The following EIF2AK2 variants were observed in gnomAD, a reference collection of about 807,000 sequenced individuals.
EIF2AK2 encodes the protein eukaryotic translation initiation factor 2 alpha kinase 2, also known as interferon-induced, double-stranded RNA-activated protein kinase.
In EIF2AK2, 40 loss-of-function variants were observed where a neutral mutation model predicts 70.5. The ratio of observed to expected loss-of-function variants is 0.57; its 90% CI spans 0.44 to 0.74. EIF2AK2 has a LOEUF of 0.74. EIF2AK2 is among the 30% of genes least tolerant of loss of function. The pLI is 0.00. For synonymous variants in EIF2AK2, 198 were observed against 220.9 expected (o/e 0.90, Z 0.92); for missense variants, 555 against 644.3 (o/e 0.86, Z 1.50).
intron 4 of EIF2AK2, 143 bp from the exon 5 acceptor site, chr2:37,141,844 G>A (rs1675343705): frequency 1.2e-6 from 1 of 864,634 alleles, no homozygotes. Context: ...ATTACCTTGA[G>A]CAAAAGTGTG....
At chr2:37,149,211 G>A in intron 1 of EIF2AK2, 188 bp from the exon 2 acceptor site, 4 of 1,118,004 alleles carry the variant, frequency 3.6e-6, no homozygotes, top group Non-Finnish European at 5.5e-6. Context: ...TCTACCAAGT[G>A]TGGAGCTGAA....
chr2:37,147,071 G>C (rs902776549), intron 3 of EIF2AK2, 98 bp from the exon 4 acceptor site: 1 of 1,196,256 alleles, frequency 8.4e-7, no homozygotes, highest in Non-Finnish European at 1.1e-6. Flanking sequence ...CTACCTTTGA[G>C]GGTTTGAACC....
chr2:37,136,911 G>T, intron 9 of EIF2AK2, 72 bp downstream of exon 9: 1 of 1,406,902 alleles, frequency 7.1e-7, no homozygotes, highest in Non-Finnish European at 9.7e-7. Context: ...TACTCTACAA[G>T]TATTAAGAAC....
intron 1 of EIF2AK2, among the ~76,000 whole-genome samples, 186 bp downstream of exon 1, chr2:37,156,722 T>G (rs980766082): frequency 5.9e-5 from 9 of 152,292 alleles, no homozygotes; most frequent in African/African-American, 2.2e-4. Flanking sequence ...ACACCCGGGC[T>G]GCGGACCTGG....
At chr2:37,117,880 C>G (rs188389580) in intron 13 of EIF2AK2, among the ~76,000 whole-genome samples, 38 of 152,308 alleles carry the variant, frequency 2.5e-4, no homozygotes, top group African/African-American at 8.7e-4. Flanking sequence ...CTGGCAAAAC[C>G]ACCTACAGCT....
At chr2:37,134,657 C>T (rs1230508917) in intron 10 of EIF2AK2, among the ~76,000 whole-genome samples, 1 of 152,168 alleles carries the variant, frequency 6.6e-6, no homozygotes, top group African/African-American at 2.4e-5. Flanking sequence ...TGACCTCCTC[C>T]TTGACCACCT....
chr2:37,150,826 A>G (rs1573043189), intron 1 of EIF2AK2, among the ~76,000 whole-genome samples: 1 of 152,322 alleles, frequency 6.6e-6, no homozygotes, highest in South Asian at 2.1e-4. Context: ...AATCCCAAAA[A>G]TCTCCCCTCT....
chr2:37,114,301 A>G (rs1674260173), intron 14 of EIF2AK2, among the ~76,000 whole-genome samples: 1 of 152,088 alleles, frequency 6.6e-6, no homozygotes, highest in Non-Finnish European at 1.5e-5. Flanking sequence ...CCCTGTCTCT[A>G]AAACAAAATA....
chr2:37,126,967 GAAAAAAAAAAAAAAAAAAA>G (rs57802509), intron 10 of EIF2AK2, among the ~76,000 whole-genome samples: 11 of 52,156 alleles, frequency 2.1e-4, no homozygotes, highest in East Asian at 7.0e-4. Flanking sequence ...CAAAAAAACA[GAAAAAAAAAAAAAAAAAAA>G]AAAAAAAAAA....
At chr2:37,150,425 A>AT (rs545575592) in intron 1 of EIF2AK2, among the ~76,000 whole-genome samples, 4 of 151,968 alleles carry the variant, frequency 2.6e-5, no homozygotes, top group South Asian at 2.1e-4. Flanking sequence ...ATATTTTTAA[A>AT]TTTTTTTTGC....
chr2:37,144,581 TTTTC>T (rs1446302240), intron 4 of EIF2AK2, among the ~76,000 whole-genome samples: 8 of 151,900 alleles, frequency 5.3e-5, no homozygotes, highest in Admixed American at 1.3e-4. Flanking sequence ...TTGTAATTTT[TTTTC>T]TTTCTTTTTT....
chr2:37,146,191 G>A (rs1164050588), intron 4 of EIF2AK2, among the ~76,000 whole-genome samples: 1 of 152,186 alleles, frequency 6.6e-6, no homozygotes, highest in Non-Finnish European at 1.5e-5. Context: ...TAGTCTAGGA[G>A]CAATAAGCTA....
intron 12 of EIF2AK2, among the ~76,000 whole-genome samples, chr2:37,120,963 CAA>C (rs70949732): frequency 3.4e-5 from 4 of 118,742 alleles, no homozygotes; most frequent in South Asian, 2.8e-4. Context: ...GACTCTGTCT[CAA>C]AAAAAAAAAA....
At chr2:37,156,590 C>G (rs1675937699) in intron 1 of EIF2AK2, among the ~76,000 whole-genome samples, 1 of 152,214 alleles carries the variant, frequency 6.6e-6, no homozygotes, top group Admixed American at 6.5e-5. Flanking sequence ...TAGACCCCGC[C>G]CCACAACTGC....
intron 4 of EIF2AK2, among the ~76,000 whole-genome samples, chr2:37,143,537 C>T (rs1675415938): frequency 6.6e-6 from 1 of 152,116 alleles, no homozygotes; most frequent in African/African-American, 2.4e-5. Flanking sequence ...TGCATCTGTA[C>T]TAAATATATG....
chr2:37,137,041 T>C (rs767053212), intron 8 of EIF2AK2, 24 bp from the exon 9 acceptor site: 3 of 1,587,498 alleles, frequency 1.9e-6, no homozygotes, highest in South Asian at 1.1e-5. Flanking sequence ...AAATGAGAAA[T>C]AGTTTCAGAT....
At chr2:37,139,895 G>A (rs1675269402) in intron 5 of EIF2AK2, 138 bp from the exon 6 acceptor site, 2 of 927,862 alleles carry the variant, frequency 2.2e-6, no homozygotes, top group Non-Finnish European at 3.1e-6. Flanking sequence ...TTCATATCTT[G>A]CATAATTTAA....
intron 12 of EIF2AK2, among the ~76,000 whole-genome samples, chr2:37,121,873 A>G (rs1319792583): frequency 6.6e-6 from 1 of 152,078 alleles, no homozygotes; most frequent in Non-Finnish European, 1.5e-5. Context: ...TGGCCTCAGG[A>G]TTTTAGTGAG....
At position 37,107,169 on chromosome 2, in the gene EIF2AK2, A is replaced by C; in HGVS notation, c.*104T>G. ...AGTAAAAATAGTAAAAAATTAAAGG[A>C]AACATTAAAATAAAAGGTAAATATC... On this transcript the variant is annotated 3_prime_UTR_variant, in exon 17 of 17. Coordinates refer to ENST00000233057, the MANE Select transcript of EIF2AK2 (RefSeq NM_001135651.3). 1 of 1,329,302 alleles carries C rather than the reference A, an allele frequency of 7.5e-7. No individual in the cohort carries two copies. Among genetic ancestry groups the C allele is most frequent in the Non-Finnish European group, 9.9e-7 (1 of 1,011,274 alleles). 82.3% of individuals were successfully genotyped at this position (1,329,302 alleles called of 1,614,324 possible). A position where few individuals can be genotyped will look rare whatever the true frequency, so the allele number is the denominator to read the frequency against.
Sources: allele counts gnomAD v4.1 joint callset (sites outside exome capture counted in the v4.1 genomes callset), GRCh38; gene constraint gnomAD v4.1.1; transcripts MANE v1.5; gene names NCBI Gene and HGNC (gene_info 2026-07-23, HGNC 2026-07-21).